Variants in FREM1 observed in about 807,000 individuals in gnomAD.
FREM1 encodes FRAS1-related extracellular matrix protein 1.
A neutral mutation model predicts 210.1 loss-of-function variants in FREM1; 220 were observed. The ratio of observed to expected loss-of-function variants is 1.05; its 90% confidence interval spans 0.94 to 1.17. The LOEUF is 1.17. Among genes scored for constraint, FREM1 ranks in the 50% most tolerant of loss-of-function variants. The probability of loss-of-function intolerance (pLI) is 0.00; values close to 1 mark genes in which losing one functional copy is unlikely to be tolerated. For synonymous variants in FREM1, 1,189 were observed against 980.2 expected (o/e 1.21, Z -3.98); for missense variants, 3,454 against 2,675.5 (o/e 1.29, Z -6.42).
chr9:14,811,355 G>C (rs1256084757), intron 16 of FREM1, among the ~76,000 whole-genome samples: 1 of 152,182 alleles, frequency 6.6e-6, no homozygotes, highest in Non-Finnish European at 1.5e-5. Flanking sequence ...AAAGAAGACA[G>C]ATTCTTCTCA....
At chr9:14,873,218 TG>T (rs1833037237) in intron 1 of FREM1, among the ~76,000 whole-genome samples, 1 of 152,104 alleles carries the variant, frequency 6.6e-6, no homozygotes, top group Non-Finnish European at 1.5e-5. Context: ...CTTTTTCTAT[TG>T]ATTGGAATAG....
At chr9:14,901,372 G>T (rs539741788) in intron 1 of FREM1, among the ~76,000 whole-genome samples, 3 of 152,080 alleles carry the variant, frequency 2.0e-5, no homozygotes, top group Non-Finnish European at 4.4e-5. Flanking sequence ...AATTACTTCT[G>T]TTAATTTTTC....
intron 1 of FREM1, among the ~76,000 whole-genome samples, chr9:14,888,410 C>G (rs988012464): frequency 6.6e-6 from 1 of 152,150 alleles, no homozygotes; most frequent in Admixed American, 6.5e-5. Context: ...AGTTTTATTC[C>G]TATAGTATGC....
At chr9:14,838,109 A>G (rs1451597576) in intron 10 of FREM1, among the ~76,000 whole-genome samples, 1 of 152,228 alleles carries the variant, frequency 6.6e-6, no homozygotes, top group African/African-American at 2.4e-5. Context: ...AAGCTTAATC[A>G]TAATTTAGTT....
chr9:14,867,036 T>A (rs771790514), intron 2 of FREM1, among the ~76,000 whole-genome samples: 1 of 152,132 alleles, frequency 6.6e-6, no homozygotes, highest in Non-Finnish European at 1.5e-5. Flanking sequence ...ATTTTTGTAT[T>A]TTTAGTAGAG....
At chr9:14,769,026 C>G (rs987493195) in intron 27 of FREM1, among the ~76,000 whole-genome samples, 15 of 152,162 alleles carry the variant, frequency 9.9e-5, no homozygotes, top group Admixed American at 9.8e-4. Flanking sequence ...CTTTCTATGA[C>G]TATCTGTTAG....
At chr9:14,745,796 G>A (rs1405716552) in intron 35 of FREM1, among the ~76,000 whole-genome samples, 7 of 152,172 alleles carry the variant, frequency 4.6e-5, no homozygotes, top group Non-Finnish European at 1.0e-4. Context: ...ACATACATTG[G>A]TTGTCATTCT....
At chr9:14,807,733 T>C (rs142973416) in intron 17 of FREM1, among the ~76,000 whole-genome samples, 275 of 152,072 alleles carry the variant, frequency 1.8e-3, no homozygotes, top group African/African-American at 6.2e-3. Context: ...TACAGAAATA[T>C]TAAAATTTTT....
chr9:14,788,865 C>A, intron 23 of FREM1, 54 bp downstream of exon 23: 1 of 1,410,318 alleles, frequency 7.1e-7, no homozygotes. Context: ...ATGTGGAATA[C>A]TTATACCAGT....
rs200338649 is a variant in FREM1, at chr9:14,860,773, AC to A, written c.330-1290del. On this transcript the variant is annotated intron_variant, in intron 3 of 36. Transcript: ENST00000380880. Reference sequence around the variant, plus strand: ...TGCACATATATATGCACATATATACACATATATACATATATACATATATACA... The same window carrying A: ...TGCACATATATATGCACATATATACAATATATACATATATACATATATACA... Among the ~76,000 whole-genome samples, 113 of 97,118 alleles carry A rather than the reference AC, an allele frequency of 1.2e-3. 1 individual carries two copies. The highest frequency in any genetic ancestry group is 4.8e-3 in the African/African-American group (107 of 22,142). 63.7% of individuals were successfully genotyped at this position (97,118 alleles called of 152,430 possible).
chr9:14,892,405 T>C (rs751372878), intron 1 of FREM1, among the ~76,000 whole-genome samples: 1 of 152,068 alleles, frequency 6.6e-6, no homozygotes, highest in Admixed American at 6.6e-5. Flanking sequence ...TCTCCTAAGA[T>C]AGAGTGGGTT....
intron 28 of FREM1, among the ~76,000 whole-genome samples, chr9:14,757,342 G>A (rs1283671805): frequency 1.3e-5 from 2 of 152,192 alleles, no homozygotes; most frequent in East Asian, 3.8e-4. Context: ...ATCACTTGAG[G>A]TCAGGAGTTC....
chr9:14,885,411 G>A (rs186542137), intron 1 of FREM1, among the ~76,000 whole-genome samples: 2 of 151,944 alleles, frequency 1.3e-5, no homozygotes, highest in East Asian at 1.9e-4. Flanking sequence ...TATTTATGAT[G>A]TACAACATGA....
intron 1 of FREM1, among the ~76,000 whole-genome samples, chr9:14,890,597 G>C (rs750163387): frequency 2.6e-5 from 4 of 152,152 alleles, no homozygotes; most frequent in Non-Finnish European, 4.4e-5. Flanking sequence ...AATCATTCAA[G>C]AGACTTAAAA....
chr9:14,827,444 G>A lies in FREM1; in HGVS notation c.1882-2452C>T, dbSNP rs1168103885. ...AATAACTAAGCAAACAGTTGAGCAC[G>A]TTGCATGGCTTTTCTTGACTTCTTA... On this transcript the variant is annotated intron_variant, in intron 10 of 36. Transcript: ENST00000380880. 2.0e-5 allele frequency among the ~76,000 whole-genome samples: 3 copies of A among 152,196 alleles called. No individual in the cohort carries two copies. The East Asian group carries it at 5.8e-4, about 29-fold the overall frequency.
rs892183603 is a variant in FREM1 at position 14,804,874 on chromosome 9, C to T, written c.3471+82G>A. ...CTCACCAATGCAATGTGTTAATGCA[C>T]TTGGAGCAATGTAAATGGACTAATT... On this transcript the variant is annotated intron_variant, in intron 19 of 36. Coordinates refer to ENST00000380880, the MANE Select transcript of FREM1 (RefSeq NM_001379081.2). 4.9e-6 allele frequency: 5 copies of T among 1,028,518 alleles called. No homozygotes were observed. The Middle Eastern group carries it at 6.2e-4, about 127-fold the overall frequency. 63.7% of individuals were successfully genotyped at this position (1,028,518 alleles called of 1,614,324 possible). A position where few individuals can be genotyped will look rare whatever the true frequency, so the allele number is the denominator to read the frequency against.
At chr9:14,865,698 T>TGTGTGTGTGCGC (rs759644257) in intron 2 of FREM1, among the ~76,000 whole-genome samples, 1 of 150,524 alleles carries the variant, frequency 6.6e-6, no homozygotes, top group African/African-American at 2.4e-5. Flanking sequence ...TGTGTGTGTG[T>TGTGTGTGTGCGC]GCACATGCAC....
chr9:14,758,119 C>T (rs539942161), intron 28 of FREM1, among the ~76,000 whole-genome samples: 1 of 152,302 alleles, frequency 6.6e-6, no homozygotes, highest in South Asian at 2.1e-4. Context: ...AGGGTAAAAG[C>T]ACCACCTCTT....
intron 10 of FREM1, among the ~76,000 whole-genome samples, chr9:14,839,106 AT>A (rs1159532834): frequency 6.6e-6 from 1 of 152,204 alleles, no homozygotes; most frequent in Admixed American, 6.5e-5. Flanking sequence ...AATCACCTCT[AT>A]TTGTAAAAGG....
Sources: gnomAD v4.1 joint callset for allele counts (sites outside exome capture counted in the v4.1 genomes callset) on GRCh38, gnomAD v4.1.1 for gene constraint, MANE v1.5 for transcripts, NCBI Gene and HGNC (gene_info 2026-07-23, HGNC 2026-07-21) for gene names.